SNTG1: variants seen among roughly 807,000 people sequenced by gnomAD.
SNTG1 encodes gamma-1-syntrophin.
In SNTG1, 39 loss-of-function variants were observed where a neutral mutation model predicts 74.7. The ratio of observed to expected loss-of-function variants is 0.52; its 90% CI spans 0.40 to 0.68. The LOEUF is 0.68. Ranked by LOEUF, SNTG1 falls within the 30% of genes least tolerant of loss-of-function variation. The pLI, the probability that SNTG1 is intolerant of heterozygous loss-of-function variation, is 0.00. For missense variants in SNTG1, 685 were observed against 609.5 expected (o/e 1.12, Z -1.30); for synonymous variants, 254 against 217.1 (o/e 1.17, Z -1.49).
intron 8 of SNTG1, among the ~76,000 whole-genome samples, chr8:50,451,882 T>G (rs1384265178): frequency 6.6e-6 from 1 of 152,178 alleles, no homozygotes; most frequent in Non-Finnish European, 1.5e-5. Flanking sequence ...CTGTATCAGC[T>G]CCTATGGGAA....
At chr8:50,697,100 G>A (rs2095407911) in intron 15 of SNTG1, among the ~76,000 whole-genome samples, 1 of 151,914 alleles carries the variant, frequency 6.6e-6, no homozygotes, top group African/African-American at 2.4e-5. Flanking sequence ...TCATATGTTT[G>A]TGTCAACTAT....
chr8:50,243,999 A>G (rs533591127), intron 2 of SNTG1, among the ~76,000 whole-genome samples: 1 of 152,276 alleles, frequency 6.6e-6, no homozygotes, highest in African/African-American at 2.4e-5. Flanking sequence ...TGGGTGATTT[A>G]TAAAGAAAAG....
chr8:49,928,950 A>G (rs945517322), intron 1 of SNTG1, among the ~76,000 whole-genome samples: 1 of 152,100 alleles, frequency 6.6e-6, no homozygotes, highest in African/African-American at 2.4e-5. Context: ...TCTAAAAATA[A>G]TCACAGTGGA....
intron 2 of SNTG1, among the ~76,000 whole-genome samples, chr8:50,188,460 G>A (rs1453208396): frequency 1.3e-5 from 2 of 152,094 alleles, no homozygotes; most frequent in Non-Finnish European, 2.9e-5. Flanking sequence ...CAGACAGTAC[G>A]TGCACATCAT....
intron 2 of SNTG1, among the ~76,000 whole-genome samples, chr8:50,187,404 C>T (rs1278980859): frequency 3.3e-5 from 5 of 152,038 alleles, no homozygotes; most frequent in South Asian, 4.1e-4. Flanking sequence ...CTGACAAAAA[C>T]GAGCTATGGG....
chr8:50,715,504 G>A (rs2095472904), intron 17 of SNTG1, among the ~76,000 whole-genome samples: 1 of 152,148 alleles, frequency 6.6e-6, no homozygotes, highest in African/African-American at 2.4e-5. Context: ...TGGAAATCAA[G>A]ATTGGTTAAC....
rs186787610 is a variant in SNTG1 at position 50,449,617 on chromosome 8, G to A, written c.220-51G>A. On this transcript the variant is annotated intron_variant, in intron 5 of 18. Transcript: ENST00000642720. Reference sequence around the variant, plus strand: ...AGCCTGTATGGTTTCTTAGCTAAAAGCAGCATTTTTTTTAGATTAAAAAGT... The same window carrying A: ...AGCCTGTATGGTTTCTTAGCTAAAAACAGCATTTTTTTTAGATTAAAAAGT... The A allele has an allele frequency of 3.1e-4, 451 of 1,440,080 alleles. 3 individuals are homozygous for A. The East Asian group carries it at 6.8e-3, about 22-fold the overall frequency. 89.2% of individuals were successfully genotyped at this position (1,440,080 alleles called of 1,614,324 possible).
At chr8:50,398,838 G>A (rs2092763580) in intron 3 of SNTG1, among the ~76,000 whole-genome samples, 1 of 152,164 alleles carries the variant, frequency 6.6e-6, no homozygotes, top group Admixed American at 6.5e-5. Flanking sequence ...GGTGAGGCAG[G>A]AGAATCGCTC....
intron 13 of SNTG1, among the ~76,000 whole-genome samples, chr8:50,619,523 A>G (rs2094906899): frequency 6.6e-6 from 1 of 152,148 alleles, no homozygotes; most frequent in Non-Finnish European, 1.5e-5. Flanking sequence ...CGAGGTCAGG[A>G]GACCGAGACC....
intron 2 of SNTG1, among the ~76,000 whole-genome samples, chr8:50,248,599 G>A (rs940732312): frequency 2.0e-5 from 3 of 152,002 alleles, no homozygotes; most frequent in South Asian, 2.1e-4. Flanking sequence ...AGGCCTCTCT[G>A]GTCTTTGTAA....
In SNTG1 at chr8:50,276,281, G is replaced by A. The variant is rs529195360; in HGVS notation, c.-28+103646G>A. Among the ~76,000 whole-genome samples the A allele has an allele frequency of 1.6e-3, 245 of 151,908 alleles. 1 individual carries two copies. The highest frequency in any genetic ancestry group is 5.7e-3 in the African/African-American group (235 of 41,368). ...AACACTCACAACTGTGATACAGCTA[G>A]AAAATGTTCTTAGCAGTATGCTGTG... On this transcript the variant is annotated intron_variant, in intron 2 of 18. Transcript: ENST00000642720.
intron 18 of SNTG1, among the ~76,000 whole-genome samples, chr8:50,780,673 T>C (rs971871433): frequency 6.6e-5 from 10 of 152,218 alleles, no homozygotes; most frequent in Non-Finnish European, 1.3e-4. Context: ...TTCTTTAATT[T>C]TTTGAAGGCT....
intron 17 of SNTG1, among the ~76,000 whole-genome samples, chr8:50,717,511 G>A (rs1005428782): frequency 1.3e-5 from 2 of 152,188 alleles, no homozygotes; most frequent in African/African-American, 4.8e-5. Context: ...ATAAGGTAGA[G>A]ATTCTGAAAC....
intron 1 of SNTG1, among the ~76,000 whole-genome samples, chr8:50,007,772 T>C (rs182672148): frequency 6.6e-6 from 1 of 152,110 alleles, no homozygotes; most frequent in East Asian, 1.9e-4. Flanking sequence ...TGTTAGTCAA[T>C]TTTCACACCG....
At chr8:50,303,472 T>C (rs1371845574) in intron 2 of SNTG1, among the ~76,000 whole-genome samples, 3 of 151,958 alleles carry the variant, frequency 2.0e-5, no homozygotes, top group Non-Finnish European at 4.4e-5. Context: ...TTAAAAATAA[T>C]ATAAAACTTA....
chr8:49,925,855 C>G (rs1428082165), intron 1 of SNTG1, among the ~76,000 whole-genome samples: 2 of 152,106 alleles, frequency 1.3e-5, no homozygotes, highest in Admixed American at 1.3e-4. Flanking sequence ...AGGTTGCTTT[C>G]AGTTTGGGGC....
Position 50,474,430 on chromosome 8 carries a change from A to G in SNTG1, c.363+23701A>G, listed in dbSNP as rs545702459. Among the ~76,000 whole-genome samples, 9 of 152,204 alleles carry G rather than the reference A, an allele frequency of 5.9e-5. No individual in the cohort carries two copies. In the South Asian group the frequency reaches 1.9e-3, roughly 32 times the overall value. On this transcript the variant is annotated intron_variant, in intron 8 of 18. Transcript: ENST00000642720. ...AAGTGGGCGAAGGATATGAATAGAC[A>G]CTTCTAAAAAGAAGACATTTATGCA...
At chr8:49,973,698 T>G (rs1219678397) in intron 1 of SNTG1, among the ~76,000 whole-genome samples, 1 of 152,130 alleles carries the variant, frequency 6.6e-6, no homozygotes, top group East Asian at 1.9e-4. Flanking sequence ...TTCCTGTTCA[T>G]TTGGCATAGA....
intron 2 of SNTG1, among the ~76,000 whole-genome samples, chr8:50,296,785 TA>T: frequency 6.6e-6 from 1 of 151,728 alleles, no homozygotes; most frequent in East Asian, 1.9e-4. Flanking sequence ...AAATAAAAAA[TA>T]AAAAGACAGA....
Sources: allele counts gnomAD v4.1 joint callset (sites outside exome capture counted in the v4.1 genomes callset), GRCh38; gene constraint gnomAD v4.1.1; transcripts MANE v1.5; gene names NCBI Gene and HGNC (gene_info 2026-07-23, HGNC 2026-07-21).